Variants in IGSF22 observed in about 807,000 individuals in gnomAD.
The protein encoded by IGSF22 is immunoglobulin superfamily member 22.
IGSF22 carries 119 observed loss-of-function variants against 127.0 expected under a neutral mutation model. The ratio of observed to expected loss-of-function variants is 0.94; its 90% CI spans 0.81 to 1.09. IGSF22 has a LOEUF of 1.09. Among genes scored for constraint, IGSF22 ranks in the 50% least tolerant of loss-of-function variants. The pLI is 0.00. For synonymous variants in IGSF22, 568 were observed against 664.7 expected, an observed-to-expected ratio of 0.85 and a Z score of 2.24; for missense variants, 1,518 against 1,716.6, an observed-to-expected ratio of 0.88 and a Z score of 2.04.
rs547091323 is a variant in IGSF22, at chr11:18,714,001, G to A, written c.1946C>T (p.Thr649Met). ...CTCCATGGACACGCGTTCCTCCTCC[G>A]TCACTTCCATGCCATCCTTGTACCA... is the stretch of plus-strand genomic sequence containing the variant. ...VTWYKDGMEV[T>M]EEERVSMERG... is the part of the protein sequence containing the mutation. The change falls in exon 14 of 23, where the codon ACG becomes ATG. Residue 649 changes from threonine (T) to methionine (M), a missense_variant. By Grantham distance (81) the Thr-to-Met change is moderately conservative. Coordinates refer to ENST00000513874, the MANE Select transcript of IGSF22 (RefSeq NM_173588.4). 1.9e-5 allele frequency: 30 copies of A among 1,614,270 alleles called. No individual in the cohort carries two copies. Among genetic ancestry groups the A allele is most frequent in the Admixed American group, 1.7e-4 (10 of 60,030 alleles).
In IGSF22 at chr11:18,714,383, C is replaced by T; in HGVS notation, c.1692G>A (p.Gln564=). 1 of 1,614,234 alleles carries T rather than the reference C, an allele frequency of 6.2e-7. No individual in the cohort carries two copies. The highest frequency in any genetic ancestry group is 2.2e-5 in the East Asian group (1 of 44,890). Residue 564 remains glutamine, a synonymous_variant, in exon 13 of 23, where the codon CAG becomes CAA. Transcript: ENST00000513874. Reference sequence around the variant, plus strand: ...GAAAGATGAGCTTGTGCACTGCACCCTGCTTCACAATCTGCATGCCTGGCA... The same window carrying T: ...GAAAGATGAGCTTGTGCACTGCACCTTGCTTCACAATCTGCATGCCTGGCA... ...TDLPGMQIVK[Q]GAVHKLIFPS... is the part of the protein sequence containing the mutation.
intron 2 of IGSF22, 108 bp from the exon 3 acceptor site, chr11:18,722,149 T>C: frequency 7.5e-7 from 1 of 1,338,700 alleles, no homozygotes; most frequent in Non-Finnish European, 1.0e-6. Flanking sequence ...ACAAAGAGCA[T>C]TTAGGGAAGT....
Position 18,709,147 on chromosome 11 carries a change from G to A in IGSF22, c.2998+240C>T, listed in dbSNP as rs573558690. ...TGAACTGGTTTTGCGTGTACAATGCGCAAGAAGAACCCATTGGGTGGTTAC... is the reference window on the plus strand; with the variant it reads ...TGAACTGGTTTTGCGTGTACAATGCACAAGAAGAACCCATTGGGTGGTTAC... On this transcript the variant is annotated intron_variant, in intron 18 of 22. Coordinates refer to ENST00000513874, the MANE Select transcript of IGSF22 (RefSeq NM_173588.4). The surrounding 1 kb of genome is among the most constrained non-coding windows in gnomAD (Gnocchi z 4.8). Among the ~76,000 whole-genome samples, 22 of 152,164 alleles carry A rather than the reference G, an allele frequency of 1.4e-4. No individual in the cohort carries two copies. Among genetic ancestry groups the A allele is most frequent in the Non-Finnish European group, 2.2e-4 (15 of 68,034 alleles).
At position 18,704,349 on chromosome 11, in the gene IGSF22, A is replaced by C; in HGVS notation, c.*119T>G. 1 of 703,186 alleles carries C rather than the reference A, an allele frequency of 1.4e-6. No individual in the cohort carries two copies. Among genetic ancestry groups the C allele is most frequent in the Non-Finnish European group, 2.6e-6 (1 of 388,502 alleles). 43.6% of individuals were successfully genotyped at this position (703,186 alleles called of 1,614,324 possible). A position where few individuals can be genotyped will look rare whatever the true frequency, so the allele number is the denominator to read the frequency against. On this transcript the variant is annotated 3_prime_UTR_variant, in exon 23 of 23. Coordinates refer to ENST00000513874, the MANE Select transcript of IGSF22 (RefSeq NM_173588.4). ...CGTTTATTGCCCCATCCCTTCACTG[A>C]ATGTTTACATTAACAAACACCAGAG...
chr11:18,719,635 C>T lies in IGSF22; in HGVS notation c.696+81G>A, dbSNP rs188514047. 639 of 1,412,914 alleles carry T rather than the reference C, an allele frequency of 4.5e-4. 4 individuals are homozygous for T. In the African/African-American group the frequency reaches 8.0e-3, roughly 18 times the overall value. 87.5% of individuals were successfully genotyped at this position (1,412,914 alleles called of 1,614,324 possible). On this transcript the variant is annotated intron_variant, in intron 7 of 22. Coordinates refer to ENST00000513874, the MANE Select transcript of IGSF22 (RefSeq NM_173588.4). ...GTGCAGAACTGGGGAGACCTTCTTG[C>T]TGAGAAATACACAGGCACTAGCACT...
rs751719101 is a variant in IGSF22 at position 18,714,575 on chromosome 11, A to T, written c.1581T>A (p.Thr527=). The T allele has an allele frequency of 2.5e-6, 4 of 1,614,080 alleles. No individual in the cohort carries two copies. Among genetic ancestry groups the T allele is most frequent in the Non-Finnish European group, 3.4e-6 (4 of 1,180,054 alleles). Residue 527 remains threonine, a synonymous_variant, in exon 12 of 23, where the codon ACT becomes ACA. Coordinates refer to ENST00000513874, the MANE Select transcript of IGSF22 (RefSeq NM_173588.4). ...CTACACACAACTCAGCTGGGCTCCC[A>T]GTGGCCGCGTGCACGTCGGACATCC... ...KSGMSDVHAA[T]GSPAELCVVL...
intron 14 of IGSF22, among the ~76,000 whole-genome samples, chr11:18,712,763 T>C (rs970968976): frequency 6.6e-6 from 1 of 152,164 alleles, no homozygotes; most frequent in Admixed American, 6.5e-5. Context: ...CCCTTTTGGA[T>C]TGAGGAACTG....
Position 18,721,651 on chromosome 11 carries a change from C to T in IGSF22, c.262G>A (p.Ala88Thr), listed in dbSNP as rs754477295. The T allele has an allele frequency of 6.2e-7, 1 of 1,614,266 alleles. No individual in the cohort carries two copies. The highest frequency in any genetic ancestry group is 1.1e-5 in the South Asian group (1 of 91,084). ...GGTTTGGCGTTCCCCTGCACCCGGGCTCGGAACACGGCTTTGTCCCCTGCG... is the reference window on the plus strand; with the variant it reads ...GGTTTGGCGTTCCCCTGCACCCGGGTTCGGAACACGGCTTTGTCCCCTGCG... ...APEGDKAVFRARVQGNAKPHI... is the reference protein window; with the variant it reads ...APEGDKAVFRTRVQGNAKPHI... Residue 88 changes from alanine to threonine, a missense_variant, in exon 4 of 23, where the codon GCC becomes ACC. This residue lies in a region of IGSF22 where 1,456 missense variants were observed against 1,644.9 expected (regional missense o/e 0.89). Transcript: ENST00000513874.
rs76926064 is a variant in IGSF22 at position 18,720,702 on chromosome 11, C to T, written c.379-417G>A. On this transcript the variant is annotated intron_variant, in intron 4 of 22. Transcript: ENST00000513874. ...GTAAGGCTGACTTGATGCCCGTCTG[C>T]ATGGTGCTTGCAGAAGCCTGCTAGG... Among the ~76,000 whole-genome samples, 535 of 152,312 alleles carry T rather than the reference C, an allele frequency of 3.5e-3. 2 individuals are homozygous for T. Among genetic ancestry groups the T allele is most frequent in the African/African-American group, 0.012 (509 of 41,572 alleles).
At chr11:18,717,804 CCA>C (rs1283235445) in intron 9 of IGSF22, 125 bp downstream of exon 9, 1 of 1,033,718 alleles carries the variant, frequency 9.7e-7, no homozygotes, top group Non-Finnish European at 1.4e-6. Context: ...ACTCCCATCC[CCA>C]CACAATCCTT....
intron 2 of IGSF22, 66 bp from the exon 3 acceptor site, chr11:18,722,107 G>C (rs1054614692): frequency 1.1e-4 from 182 of 1,587,728 alleles, no homozygotes; most frequent in Non-Finnish European, 1.5e-4. Context: ...TGGGAGGACA[G>C]AGCTTTCTTG....
Position 18,707,064 on chromosome 11 carries a change from T to C in IGSF22, c.3430A>G (p.Thr1144Ala), listed in dbSNP as rs1391741972. 8.4e-6 allele frequency: 13 copies of C among 1,551,590 alleles called. No individual in the cohort carries two copies. In the Admixed American group the frequency reaches 2.2e-4, roughly 26 times the overall value. Residue 1144 changes from threonine to alanine, a missense_variant, in exon 21 of 23, where the codon ACG (threonine) becomes GCG (alanine). This residue lies in a region of IGSF22 where 1,456 missense variants were observed against 1,644.9 expected (regional missense o/e 0.89). Coordinates refer to ENST00000513874, the MANE Select transcript of IGSF22 (RefSeq NM_173588.4). Reference protein sequence around the residue: ...KRDASTATWYTAAERVFSNKY... With the variant: ...KRDASTATWYAAAERVFSNKY... ...TTGCTGAAGACACGCTCGGCTGCCG[T>C]GTACCAGGTGGCTGTGCTTGCATCC...
At chr11:18,722,384 C>A (rs1024965372) in intron 2 of IGSF22, among the ~76,000 whole-genome samples, 1 of 152,190 alleles carries the variant, frequency 6.6e-6, no homozygotes, top group East Asian at 1.9e-4. Flanking sequence ...CCTGGTCCCC[C>A]AGTAGCATTA....
rs1848254753 is a variant in IGSF22 at position 18,707,170 on chromosome 11, G to C, written c.3324C>G (p.Val1108=). The C allele has an allele frequency of 6.5e-7, 1 of 1,548,344 alleles. No individual in the cohort carries two copies. Among genetic ancestry groups the C allele is most frequent in the South Asian group, 1.2e-5 (1 of 83,640 alleles). ...PPTNLRLFEE[V]PNTVTLTWNH... ...TCCAGGTCAGAGTCACTGTGTTGGG[G>C]ACTTCCTCAAACAACCGTAGGTTTG... The change falls in exon 21 of 23, where the codon GTC becomes GTG. Residue 1108 remains valine (V), a synonymous_variant. Transcript: ENST00000513874.
Position 18,714,629 on chromosome 11 carries a change from G to A in IGSF22, c.1532-5C>T, listed in dbSNP as rs1848426562. The A allele has an allele frequency of 6.2e-7, 1 of 1,613,640 alleles. No individual in the cohort carries two copies. Among genetic ancestry groups the A allele is most frequent in the South Asian group, 1.1e-5 (1 of 91,086 alleles). ...TCTTCACTGTGGCCAGACGCTCTGG[G>A]GAGAAAGGTGGGCAAGGGACTGGCT... On this transcript the variant is annotated splice_region_variant and splice_polypyrimidine_tract_variant and intron_variant, in intron 11 of 22. Transcript: ENST00000513874.
At chr11:18,713,551 C>T (rs1848396747) in intron 14 of IGSF22, among the ~76,000 whole-genome samples, 1 of 152,186 alleles carries the variant, frequency 6.6e-6, no homozygotes, top group South Asian at 2.1e-4. Flanking sequence ...ACTTAAGTAA[C>T]ATCTGAAAGT....
Position 18,721,673 on chromosome 11 carries a change from T to A in IGSF22, c.242-2A>T. On this transcript the variant is annotated splice_acceptor_variant, in intron 3 of 22. Coordinates refer to ENST00000513874, the MANE Select transcript of IGSF22 (RefSeq NM_173588.4). LOFTEE classifies it high-confidence loss of function. ...GGGCTCGGAACACGGCTTTGTCCCCTGCGATGAGCACAGGACGCGTTTTCG... is the reference window on the plus strand; with the variant it reads ...GGGCTCGGAACACGGCTTTGTCCCCAGCGATGAGCACAGGACGCGTTTTCG... The A allele has an allele frequency of 6.2e-7, 1 of 1,614,218 alleles. No homozygotes were observed. The highest frequency in any genetic ancestry group is 1.3e-5 in the African/African-American group (1 of 75,082).
rs1192966503 is a variant in IGSF22 at position 18,720,282 on chromosome 11, C to G, written c.382G>C (p.Glu128Gln). 4 of 1,613,670 alleles carry G rather than the reference C, an allele frequency of 2.5e-6. No homozygotes were observed. In the African/African-American group the frequency reaches 5.3e-5, roughly 22 times the overall value. The change falls in exon 5 of 23, where the codon GAG becomes CAG. Residue 128 changes from glutamate (E) to glutamine (Q), a missense_variant. By Grantham distance (29) the Glu-to-Gln change is conservative. Transcript: ENST00000513874. Reference protein sequence around the residue: ...SINKEHVLKLEPLTSDDSDNY... With the variant: ...SINKEHVLKLQPLTSDDSDNY... ...TCAGAGTCATCCGAAGTCAGTGGCTCCAGCTGGATCAAAGTCCGGCCATTA... is the reference window on the plus strand; with the variant it reads ...TCAGAGTCATCCGAAGTCAGTGGCTGCAGCTGGATCAAAGTCCGGCCATTA...
chr11:18,714,162 C>T lies in IGSF22; in HGVS notation c.1799-14G>A, dbSNP rs781466063. On this transcript the variant is annotated splice_polypyrimidine_tract_variant and intron_variant, in intron 13 of 22. Coordinates refer to ENST00000513874, the MANE Select transcript of IGSF22 (RefSeq NM_173588.4). Reference sequence around the variant, plus strand: ...TGGTAGGAGGATCTGTGGGGCGGGGCGGCAGGGAAGGCTTGAGCATTGGCA... The same window carrying T: ...TGGTAGGAGGATCTGTGGGGCGGGGTGGCAGGGAAGGCTTGAGCATTGGCA... 8 of 1,602,338 alleles carry T rather than the reference C, an allele frequency of 5.0e-6. No homozygotes were observed. The highest frequency in any genetic ancestry group is 2.2e-5 in the South Asian group (2 of 89,116).
Sources: allele counts gnomAD v4.1 joint callset (sites outside exome capture counted in the v4.1 genomes callset), GRCh38; gene constraint gnomAD v4.1.1; regional missense constraint gnomAD v4.1.1; non-coding constraint Gnocchi (gnomAD v3.1); transcripts MANE v1.5; gene names NCBI Gene and HGNC (gene_info 2026-07-23, HGNC 2026-07-21).